WDSUB1: variants seen among roughly 807,000 people sequenced by gnomAD.
WDSUB1 encodes WD repeat, SAM and U-box domain-containing protein 1.
In WDSUB1, 49 loss-of-function variants were observed where a neutral mutation model predicts 53.9. That is an observed-to-expected ratio of 0.91 (90% confidence interval 0.72 to 1.15). The LOEUF (loss-of-function observed/expected upper bound fraction) is 1.15, where lower values mean the gene tolerates loss of function less well. Among genes scored for constraint, WDSUB1 ranks in the 50% most tolerant of loss-of-function variants. WDSUB1 has a pLI of 0.00. For synonymous variants in WDSUB1, 194 were observed against 200.6 expected (o/e 0.97, Z 0.28); for missense variants, 514 against 562.0 (o/e 0.91, Z 0.86).
intron 10 of WDSUB1, among the ~76,000 whole-genome samples, chr2:159,247,437 A>G (rs983507897): frequency 6.6e-6 from 1 of 152,220 alleles, no homozygotes; most frequent in Non-Finnish European, 1.5e-5. Flanking sequence ...CTATAGTTTC[A>G]AAACAACTAT....
At chr2:159,272,246 T>G (rs188523626) in intron 4 of WDSUB1, among the ~76,000 whole-genome samples, 1 of 152,358 alleles carries the variant, frequency 6.6e-6, no homozygotes, top group East Asian at 1.9e-4. Flanking sequence ...TATAGATTTC[T>G]AAAGTGCATT....
At chr2:159,266,456 G>A (rs2061350438) in intron 5 of WDSUB1, among the ~76,000 whole-genome samples, 1 of 152,190 alleles carries the variant, frequency 6.6e-6, no homozygotes, top group Non-Finnish European at 1.5e-5. Flanking sequence ...CCAAAGTGCT[G>A]GGATTACAGG....
chr2:159,250,775 TAGATA>T (rs1344278004), intron 9 of WDSUB1, among the ~76,000 whole-genome samples: 1 of 152,140 alleles, frequency 6.6e-6, no homozygotes, highest in East Asian at 1.9e-4. Context: ...AATAAAGGCT[TAGATA>T]AGATCAAGAT....
chr2:159,277,479 G>A (rs944132508), intron 3 of WDSUB1, among the ~76,000 whole-genome samples: 2 of 152,084 alleles, frequency 1.3e-5, no homozygotes, highest in Admixed American at 6.5e-5. Flanking sequence ...AAATTACACA[G>A]GTTAAAATGT....
chr2:159,257,724 G>A (rs867429782), intron 8 of WDSUB1, 34 bp downstream of exon 8: 1 of 1,573,594 alleles, frequency 6.4e-7, no homozygotes, highest in African/African-American at 1.4e-5. Context: ...GGTGAGTGGG[G>A]TTGAAATGAG....
chr2:159,282,414 G>C (rs1296901640), intron 2 of WDSUB1, among the ~76,000 whole-genome samples: 1 of 152,108 alleles, frequency 6.6e-6, no homozygotes, highest in African/African-American at 2.4e-5. Flanking sequence ...GGATGGTCTC[G>C]ATCTCCTGAC....
intron 5 of WDSUB1, among the ~76,000 whole-genome samples, chr2:159,267,103 T>G (rs2151117434): frequency 6.6e-6 from 1 of 152,160 alleles, no homozygotes; most frequent in South Asian, 2.1e-4. Flanking sequence ...CTCTACAATC[T>G]GTTTTTCTGG....
chr2:159,240,578 C>T (rs2060617931), intron 10 of WDSUB1, among the ~76,000 whole-genome samples: 1 of 152,126 alleles, frequency 6.6e-6, no homozygotes, highest in East Asian at 1.9e-4. Context: ...GTGCTTATTG[C>T]CAAACAGCAT....
At chr2:159,247,882 AATAAATATATATATATATATATAT>A (rs1377589118) in intron 10 of WDSUB1, among the ~76,000 whole-genome samples, 1 of 37,940 alleles carries the variant, frequency 2.6e-5, no homozygotes, top group African/African-American at 9.0e-5. Flanking sequence ...GCCAAAATTA[AATAAATATATATATATATATATAT>A]ATAAATATAT....
At chr2:159,284,045 CAAGT>C (rs2061734458) in intron 1 of WDSUB1, among the ~76,000 whole-genome samples, 1 of 152,192 alleles carries the variant, frequency 6.6e-6, no homozygotes, top group Non-Finnish European at 1.5e-5. Flanking sequence ...CTCCTGGCCT[CAAGT>C]GATCCGCCCA....
chr2:159,258,195 G>C (rs1326893230), intron 6 of WDSUB1, among the ~76,000 whole-genome samples: 3 of 152,138 alleles, frequency 2.0e-5, no homozygotes, highest in African/African-American at 7.2e-5. Flanking sequence ...TCAATTATCG[G>C]CATTATTGTC....
intron 3 of WDSUB1, among the ~76,000 whole-genome samples, chr2:159,277,705 C>G (rs906231702): frequency 6.6e-6 from 1 of 151,404 alleles, no homozygotes; most frequent in East Asian, 1.9e-4. Flanking sequence ...ATAACAAATA[C>G]GAAATTAAAC....
chr2:159,239,056 C>T (rs1223773311), intron 10 of WDSUB1, among the ~76,000 whole-genome samples: 1 of 152,120 alleles, frequency 6.6e-6, no homozygotes, highest in African/African-American at 2.4e-5. Context: ...GGCTAGAGTC[C>T]AGTGACATGA....
At chr2:159,286,089 A>AG (rs2061790331) in intron 1 of WDSUB1, among the ~76,000 whole-genome samples, 5 of 152,190 alleles carry the variant, frequency 3.3e-5, no homozygotes, top group South Asian at 4.1e-4. Context: ...GCCTTGGGGT[A>AG]GGGGGGGCGG....
In WDSUB1 at chr2:159,256,300, G is replaced by A; in HGVS notation, c.1028C>T (p.Ala343Val). The change falls in exon 9 of 11, where the codon GCA becomes GTA. Residue 343 changes from alanine to valine, a missense_variant. Physicochemically the swap from Ala to Val is moderately conservative, Grantham distance 64 (BLOSUM62 0). Coordinates refer to ENST00000359774, the MANE Select transcript of WDSUB1 (RefSeq NM_001128212.3). ...SEEDVSTWLC[A>V]QDLKDLVGIF... is the part of the protein sequence containing the mutation. ...ACCAACAAGATCTTTTAAATCTTGT[G>A]CACAAAGCCATGTTGAGACATCCTC... 6.2e-7 allele frequency: 1 copy of A among 1,612,140 alleles called. No homozygotes were observed. Among genetic ancestry groups the A allele is most frequent in the Non-Finnish European group, 8.5e-7 (1 of 1,179,296 alleles).
Position 159,256,256 on chromosome 2 carries a change from T to C in WDSUB1, c.1072A>G (p.Ile358Val), listed in dbSNP as rs751660925. The C allele has an allele frequency of 6.2e-7, 1 of 1,611,894 alleles. No individual in the cohort carries two copies. The highest frequency in any genetic ancestry group is 1.3e-5 in the African/African-American group (1 of 74,946). The change falls in exon 9 of 11, where the codon ATT becomes GTT. Residue 358 changes from isoleucine (I) to valine (V), a missense_variant. By Grantham distance (29) the Ile-to-Val change is conservative. Coordinates refer to ENST00000359774, the MANE Select transcript of WDSUB1 (RefSeq NM_001128212.3). ...AGATTCAACAGTTCTTTTCCATCAATGTTATTCATCTTGAAAATACCAACA... is the reference window on the plus strand; with the variant it reads ...AGATTCAACAGTTCTTTTCCATCAACGTTATTCATCTTGAAAATACCAACA... ...DLVGIFKMNNIDGKELLNLTK... is the reference protein window; with the variant it reads ...DLVGIFKMNNVDGKELLNLTK...
At chr2:159,259,947 C>A in intron 5 of WDSUB1, 104 bp from the exon 6 acceptor site, 1 of 1,157,604 alleles carries the variant, frequency 8.6e-7, no homozygotes, top group Admixed American at 3.1e-5. Flanking sequence ...CTAGAAAAGA[C>A]AGATATTAAC....
At chr2:159,260,437 A>G (rs576997228) in intron 5 of WDSUB1, among the ~76,000 whole-genome samples, 1 of 152,370 alleles carries the variant, frequency 6.6e-6, no homozygotes, top group East Asian at 1.9e-4. Flanking sequence ...ACGACTCTAT[A>G]ACAAGTTAGT....
At chr2:159,269,725 A>G (rs1220350986) in intron 5 of WDSUB1, among the ~76,000 whole-genome samples, 2 of 152,244 alleles carry the variant, frequency 1.3e-5, no homozygotes, top group African/African-American at 4.8e-5. Context: ...ACATTTAAAA[A>G]TCTTGTAATT....
Sources: allele counts gnomAD v4.1 joint callset (sites outside exome capture counted in the v4.1 genomes callset), GRCh38; gene constraint gnomAD v4.1.1; transcripts MANE v1.5; gene names NCBI Gene and HGNC (gene_info 2026-07-23, HGNC 2026-07-21).